Variants in NRP1 observed in about 807,000 individuals in gnomAD.
NRP1 encodes neuropilin-1.
A neutral mutation model predicts 106.7 loss-of-function variants in NRP1; 35 were observed. The observed-to-expected ratio is 0.33, with a 90% CI of 0.25 to 0.43. NRP1 has a LOEUF of 0.43. Ranked by LOEUF, NRP1 falls within the 20% of genes least tolerant of loss-of-function variation. The probability of loss-of-function intolerance (pLI) is 1.00; values close to 1 mark genes in which losing one functional copy is unlikely to be tolerated. For missense variants in NRP1, 1,024 were observed against 1,170.4 expected (o/e 0.87, Z 1.83); for synonymous variants, 437 against 417.9 (o/e 1.05, Z -0.56).
chr10:33,189,712 C>G (rs1836278043), intron 13 of NRP1, among the ~76,000 whole-genome samples: 1 of 152,236 alleles, frequency 6.6e-6, no homozygotes, highest in South Asian at 2.1e-4. Flanking sequence ...TTTCGATAAG[C>G]AGCAGGATAT....
At chr10:33,280,145 A>G (rs1186707406) in intron 2 of NRP1, among the ~76,000 whole-genome samples, 1 of 152,248 alleles carries the variant, frequency 6.6e-6, no homozygotes, top group Non-Finnish European at 1.5e-5. Context: ...AAATATTTGG[A>G]ATCTAAATTT....
intron 5 of NRP1, among the ~76,000 whole-genome samples, chr10:33,254,686 C>T (rs1384406394): frequency 6.6e-6 from 1 of 152,168 alleles, no homozygotes; most frequent in South Asian, 2.1e-4. Flanking sequence ...ACTATTGGCA[C>T]CCAGACCACC....
At position 33,197,664 on chromosome 10, in the gene NRP1, C is replaced by T; in HGVS notation, c.1910G>A (p.Ser637Asn). The T allele has an allele frequency of 6.2e-7, 1 of 1,604,770 alleles. No homozygotes were observed. Among genetic ancestry groups the T allele is most frequent in the Non-Finnish European group, 8.5e-7 (1 of 1,175,290 alleles). The change falls in exon 12 of 17, where the codon AGC (serine) becomes AAC (asparagine). Residue 637 changes from serine to asparagine, a missense_variant. Transcript: ENST00000374867. ...LATEKPTVID[S>N]TIQSEFPTYG... ...TTATTTGATACCTGATTGTATGGTG[C>T]TGTCTATGACCGTGGGCTTTTCTGT...
intron 13 of NRP1, 117 bp from the exon 14 acceptor site, chr10:33,186,605 A>C: frequency 8.3e-7 from 1 of 1,199,302 alleles, no homozygotes; most frequent in Non-Finnish European, 1.2e-6. Flanking sequence ...GAACCCAAAT[A>C]CGTAGTGGAA....
intron 2 of NRP1, among the ~76,000 whole-genome samples, chr10:33,301,702 C>T (rs1845812827): frequency 6.6e-6 from 1 of 151,990 alleles, no homozygotes; most frequent in African/African-American, 2.4e-5. Flanking sequence ...TTTTGGACAT[C>T]CCTACTCCAC....
chr10:33,292,425 GT>G (rs1845063339), intron 2 of NRP1, among the ~76,000 whole-genome samples: 2 of 152,228 alleles, frequency 1.3e-5, no homozygotes, highest in South Asian at 4.1e-4. Flanking sequence ...AAACAAAGTG[GT>G]TTTTAAAATC....
chr10:33,283,033 C>T (rs953478918), intron 2 of NRP1, among the ~76,000 whole-genome samples: 1 of 152,226 alleles, frequency 6.6e-6, no homozygotes, highest in African/African-American at 2.4e-5. Flanking sequence ...CGTGAGCCAC[C>T]GCACCTGAAC....
At chr10:33,195,878 G>C (rs991884688) in intron 12 of NRP1, among the ~76,000 whole-genome samples, 4 of 152,130 alleles carry the variant, frequency 2.6e-5, no homozygotes, top group African/African-American at 7.2e-5. Flanking sequence ...GACCACCCCT[G>C]ATCAGTAGAC....
chr10:33,196,323 T>G (rs1426003325), intron 12 of NRP1, among the ~76,000 whole-genome samples: 1 of 152,162 alleles, frequency 6.6e-6, no homozygotes, highest in Admixed American at 6.5e-5. Flanking sequence ...TGATCAGAAC[T>G]TCATTTGTTC....
At chr10:33,331,000 G>T (rs1479183175) in intron 1 of NRP1, 118 bp from the exon 2 acceptor site, 2 of 851,782 alleles carry the variant, frequency 2.3e-6, no homozygotes, top group Non-Finnish European at 3.5e-6. Flanking sequence ...AACTCTAAAA[G>T]GTCCCCGTAA....
intron 6 of NRP1, among the ~76,000 whole-genome samples, chr10:33,238,503 A>G (rs560598808): frequency 2.6e-5 from 4 of 152,326 alleles, no homozygotes; most frequent in Non-Finnish European, 4.4e-5. Flanking sequence ...AGTGAAGGTG[A>G]TAAGATTCCT....
At chr10:33,270,556 A>C (rs1843233828) in intron 3 of NRP1, 119 bp downstream of exon 3, 1 of 766,872 alleles carries the variant, frequency 1.3e-6, no homozygotes, top group Admixed American at 3.0e-5. Context: ...TGAATTCCTG[A>C]GCTCAAGTGA....
chr10:33,270,701 G>C lies in NRP1; in HGVS notation c.404C>G (p.Ser135Cys). ...TCTCTTGAAAATTTCATAACGTATG[G>C]AAAATCCTGCACCATGTGTTTCGTA... The part of the protein sequence containing the change: ...SDYETHGAGF[S>C]IRYEIFKRGP... Residue 135 changes from serine (S) to cysteine (C), a missense_variant, in exon 3 of 17, where the codon TCC (serine) becomes TGC (cysteine). Physicochemically the swap from Ser to Cys is moderately radical, Grantham distance 112. Around this residue, in one of 5 missense-constraint regions of NRP1, gnomAD observed 279 missense variants for 327.4 expected, o/e 0.85. Transcript: ENST00000374867. The C allele has an allele frequency of 6.2e-7, 1 of 1,611,400 alleles. No individual in the cohort carries two copies. The highest frequency in any genetic ancestry group is 8.5e-7 in the Non-Finnish European group (1 of 1,178,820).
At chr10:33,287,030 T>C (rs1057125633) in intron 2 of NRP1, among the ~76,000 whole-genome samples, 1 of 152,186 alleles carries the variant, frequency 6.6e-6, no homozygotes, top group Non-Finnish European at 1.5e-5. Context: ...AAATTTAAAA[T>C]AGGCTTTTGT....
At chr10:33,298,726 G>C (rs1366083543) in intron 2 of NRP1, among the ~76,000 whole-genome samples, 1 of 152,028 alleles carries the variant, frequency 6.6e-6, no homozygotes, top group Admixed American at 6.6e-5. Flanking sequence ...TTTATACTTA[G>C]TTTCCTCCTT....
At chr10:33,265,805 C>T (rs1280078527) in intron 3 of NRP1, among the ~76,000 whole-genome samples, 3 of 152,168 alleles carry the variant, frequency 2.0e-5, no homozygotes, top group East Asian at 1.9e-4. Flanking sequence ...CGTGGCAATT[C>T]GCCAGGTCAG....
chr10:33,327,432 T>G (rs1847966841), intron 2 of NRP1, among the ~76,000 whole-genome samples: 1 of 152,150 alleles, frequency 6.6e-6, no homozygotes, highest in Non-Finnish European at 1.5e-5. Flanking sequence ...TTAAATGTCT[T>G]AAATAAGATG....
chr10:33,303,644 C>T (rs1057115297), intron 2 of NRP1, among the ~76,000 whole-genome samples: 21 of 152,248 alleles, frequency 1.4e-4, no homozygotes, highest in Non-Finnish European at 2.6e-4. Context: ...TTCAGTGTCT[C>T]GAAGTCAGAG....
At chr10:33,186,761 T>A (rs780070496) in intron 13 of NRP1, among the ~76,000 whole-genome samples, 22 of 152,218 alleles carry the variant, frequency 1.4e-4, no homozygotes, top group Non-Finnish European at 2.6e-4. Flanking sequence ...TATGGACACA[T>A]GCTATGCCTC....
Sources: gnomAD v4.1 joint callset for allele counts (sites outside exome capture counted in the v4.1 genomes callset) on GRCh38, gnomAD v4.1.1 for gene constraint, gnomAD v4.1.1 regional missense constraint, MANE v1.5 for transcripts, NCBI Gene and HGNC (gene_info 2026-07-23, HGNC 2026-07-21) for gene names.